COL6A6: variants seen among roughly 807,000 people sequenced by gnomAD.
COL6A6 encodes the protein collagen type VI alpha 6 chain, also known as collagen alpha-6(VI) chain.
In COL6A6, 183 loss-of-function variants were observed where a neutral mutation model predicts 208.6. The observed-to-expected ratio is 0.88, with a 90% CI of 0.78 to 0.99. The LOEUF (loss-of-function observed/expected upper bound fraction) is 0.99, where lower values mean the gene tolerates loss of function less well. COL6A6 is among the 50% of genes least tolerant of loss of function. COL6A6 has a pLI of 0.00. For missense variants in COL6A6, 2,816 were observed against 2,815.2 expected, an observed-to-expected ratio of 1.00 and a Z score of -0.01; for synonymous variants, 973 against 1,011.8, an observed-to-expected ratio of 0.96 and a Z score of 0.73.
Position 130,565,347 on chromosome 3 carries a change from G to A in COL6A6, c.1015G>A (p.Val339Met), listed in dbSNP as rs370740268. 24 of 1,613,364 alleles carry A rather than the reference G, an allele frequency of 1.5e-5. No homozygotes were observed. The highest frequency in any genetic ancestry group is 1.9e-5 in the Non-Finnish European group (23 of 1,179,756). ...NQGVPQIAVL[V>M]THRDSEDNVT... The stretch of plus-strand genomic sequence containing the variant: ...GGGGGTGCCCCAGATTGCCGTGCTG[G>A]TGACCCACCGAGATTCAGAAGACAA... The change falls in exon 4 of 37, where the codon GTG becomes ATG. Residue 339 changes from valine to methionine, a missense_variant. By Grantham distance (21) the Val-to-Met change is conservative. Coordinates refer to ENST00000358511, the MANE Select transcript of COL6A6 (RefSeq NM_001102608.3).
chr3:130,581,495 A>T, intron 8 of COL6A6, 66 bp from the exon 9 acceptor site: 1 of 1,145,504 alleles, frequency 8.7e-7, no homozygotes, highest in Non-Finnish European at 1.3e-6. Context: ...TGATTCAGAC[A>T]TGGTGTCTGA....
rs1403812076 is a variant in COL6A6, at chr3:130,677,033, A to G, written c.*1636A>G. On this transcript the variant is annotated 3_prime_UTR_variant, in exon 37 of 37. Coordinates refer to ENST00000358511, the MANE Select transcript of COL6A6 (RefSeq NM_001102608.3). ...TTTTCTGCATTGGCAAGTAAAGAAC[A>G]TAAAACAAATATTCCCTTGGTGACA... 2 of 152,264 alleles carry G rather than the reference A, an allele frequency of 1.3e-5. No individual in the cohort carries two copies. The highest frequency in any genetic ancestry group is 1.3e-4 in the Admixed American group (2 of 15,286). The allele number at this position is 152,264 out of a possible 1,614,324, so 9.4% of individuals were successfully genotyped here.
chr3:130,544,285 T>C (rs769301734), intron 1 of COL6A6, among the ~76,000 whole-genome samples: 13 of 152,354 alleles, frequency 8.5e-5, no homozygotes, highest in Non-Finnish European at 1.6e-4. Flanking sequence ...TCTGGTTTAC[T>C]TCACTTAGCA....
intron 23 of COL6A6, among the ~76,000 whole-genome samples, chr3:130,617,174 C>A (rs929877419): frequency 2.0e-5 from 3 of 152,150 alleles, no homozygotes; most frequent in Non-Finnish European, 2.9e-5. Context: ...TCCTTTTACT[C>A]ATTTAACAAA....
At chr3:130,571,570 A>C (rs1314817889) in intron 7 of COL6A6, among the ~76,000 whole-genome samples, 177 bp downstream of exon 7, 1 of 152,224 alleles carries the variant, frequency 6.6e-6, no homozygotes, top group East Asian at 1.9e-4. Context: ...GGCATATTTC[A>C]TTCAGACTTC....
At chr3:130,551,938 GTTGT>G (rs1242675669) in intron 1 of COL6A6, among the ~76,000 whole-genome samples, 1 of 152,022 alleles carries the variant, frequency 6.6e-6, no homozygotes, top group Admixed American at 6.6e-5. Flanking sequence ...TCAGGAGCAG[GTTGT>G]TTAATTTCCA....
chr3:130,600,552 C>G (rs2063983047), intron 20 of COL6A6, among the ~76,000 whole-genome samples: 1 of 152,168 alleles, frequency 6.6e-6, no homozygotes, highest in Admixed American at 6.5e-5. Context: ...GGCATGAGAT[C>G]ATGTCCTTTG....
intron 1 of COL6A6, among the ~76,000 whole-genome samples, chr3:130,521,664 A>G (rs150075109): frequency 6.6e-6 from 1 of 152,306 alleles, no homozygotes; most frequent in Non-Finnish European, 1.5e-5. Context: ...TCTTACTTCA[A>G]GCACTGTGAC....
At chr3:130,535,267 CACA>C (rs1208066624) in intron 1 of COL6A6, among the ~76,000 whole-genome samples, 3 of 152,240 alleles carry the variant, frequency 2.0e-5, no homozygotes, top group Non-Finnish European at 4.4e-5. Context: ...CTATATAAAA[CACA>C]ACGTTTAATG....
chr3:130,544,208 C>G (rs2062440499), intron 1 of COL6A6, among the ~76,000 whole-genome samples: 1 of 152,136 alleles, frequency 6.6e-6, no homozygotes. Flanking sequence ...TCTATGTATT[C>G]AACTTTTTAA....
intron 33 of COL6A6, among the ~76,000 whole-genome samples, chr3:130,657,133 T>C (rs2065812773): frequency 6.6e-6 from 1 of 152,242 alleles, no homozygotes; most frequent in African/African-American, 2.4e-5. Flanking sequence ...TGGCCGCAGC[T>C]GCATTCAAGG....
intron 28 of COL6A6, among the ~76,000 whole-genome samples, 186 bp from the exon 29 acceptor site, chr3:130,641,466 A>G (rs1300598909): frequency 6.6e-6 from 1 of 152,228 alleles, no homozygotes; most frequent in Non-Finnish European, 1.5e-5. Flanking sequence ...TATTTGGGGA[A>G]GAAGGGATTG....
chr3:130,660,540 T>G (rs1185566361), intron 34 of COL6A6, among the ~76,000 whole-genome samples: 2 of 152,258 alleles, frequency 1.3e-5, no homozygotes, highest in Non-Finnish European at 2.9e-5. Flanking sequence ...CTTTGGTTAT[T>G]AAAGAGGCTA....
intron 33 of COL6A6, among the ~76,000 whole-genome samples, chr3:130,658,089 T>G (rs145877577): frequency 6.6e-6 from 1 of 152,184 alleles, no homozygotes; most frequent in East Asian, 1.9e-4. Flanking sequence ...TAGATCTGAG[T>G]GTATTTCAAA....
Position 130,567,250 on chromosome 3 carries a change from T to C in COL6A6, c.1831T>C (p.Cys611Arg), listed in dbSNP as rs766208220. The C allele has an allele frequency of 6.2e-7, 1 of 1,606,534 alleles. No homozygotes were observed. Among genetic ancestry groups the C allele is most frequent in the African/African-American group, 1.3e-5 (1 of 74,848 alleles). ...DIRNQVVQEI[C>R]TEEACKEMKA... ...AAGAAACCAAGTTGTTCAAGAAATC[T>C]GTACTGAAGAAGGTAAGAGAAATCG... Residue 611 changes from cysteine to arginine, a missense_variant, in exon 5 of 37, where the codon TGT (cysteine) becomes CGT (arginine). Physicochemically the swap from Cys to Arg is radical, Grantham distance 180. Coordinates refer to ENST00000358511, the MANE Select transcript of COL6A6 (RefSeq NM_001102608.3).
intron 26 of COL6A6, among the ~76,000 whole-genome samples, chr3:130,628,031 T>G (rs2064943019): frequency 6.6e-6 from 1 of 152,230 alleles, no homozygotes; most frequent in African/African-American, 2.4e-5. Flanking sequence ...AAAAGAGAAC[T>G]TCAATAAATG....
intron 1 of COL6A6, among the ~76,000 whole-genome samples, chr3:130,530,288 G>C (rs951268313): frequency 6.6e-6 from 1 of 151,166 alleles, no homozygotes; most frequent in South Asian, 2.1e-4. Flanking sequence ...TTGTTCCAGT[G>C]TGAGGACCAT....
chr3:130,597,038 C>G (rs143428745), intron 18 of COL6A6, among the ~76,000 whole-genome samples: 1 of 152,130 alleles, frequency 6.6e-6, no homozygotes, highest in Non-Finnish European at 1.5e-5. Context: ...TTGTTCTGTT[C>G]TGTAAAATGT....
chr3:130,591,043 A>T lies in COL6A6; in HGVS notation c.4221A>T (p.Gly1407=). Residue 1407 remains glycine (G), a splice_region_variant and synonymous_variant, in exon 13 of 37, where the codon GGA becomes GGT. Transcript: ENST00000358511. ...TTTCTTCCTTTTCTTATTTCCAGGGACCTCCAGGTTTTAAAGGCAGTGAAG... is the reference window on the plus strand; with the variant it reads ...TTTCTTCCTTTTCTTATTTCCAGGGTCCTCCAGGTTTTAAAGGCAGTGAAG... The part of the protein sequence containing the change: ...MGDPGPPGKR[G]PPGFKGSEGY... 6.3e-7 allele frequency: 1 copy of T among 1,575,464 alleles called. No individual in the cohort carries two copies. Among genetic ancestry groups the T allele is most frequent in the Non-Finnish European group, 8.6e-7 (1 of 1,158,288 alleles).
Sources: allele counts gnomAD v4.1 joint callset (sites outside exome capture counted in the v4.1 genomes callset), GRCh38; gene constraint gnomAD v4.1.1; transcripts MANE v1.5; gene names NCBI Gene and HGNC (gene_info 2026-07-23, HGNC 2026-07-21).